KAZN: variants seen among roughly 807,000 people sequenced by gnomAD.
KAZN encodes kazrin, periplakin interacting protein.
KAZN carries 40 observed loss-of-function variants against 87.4 expected under a neutral mutation model. That is an observed-to-expected ratio of 0.46 (90% CI 0.36 to 0.60). KAZN has a LOEUF of 0.60. Ranked by LOEUF, KAZN falls within the 20% of genes least tolerant of loss-of-function variation. The pLI is 0.00. For synonymous variants in KAZN, 466 were observed against 458.3 expected, an observed-to-expected ratio of 1.02 and a Z score of -0.22; for missense variants, 898 against 1,073.9, an observed-to-expected ratio of 0.84 and a Z score of 2.29.
At chr1:15,085,087 G>A (rs1452879021) in intron 8 of KAZN, among the ~76,000 whole-genome samples, 1 of 151,804 alleles carries the variant, frequency 6.6e-6, no homozygotes, top group Non-Finnish European at 1.5e-5. Context: ...TGAATAAAAG[G>A]GTGGGTTAAA....
At chr1:14,969,088 G>A (rs1664757193) in intron 2 of KAZN, among the ~76,000 whole-genome samples, 1 of 152,220 alleles carries the variant, frequency 6.6e-6, no homozygotes. Context: ...GTGCAGCCAT[G>A]CCCTGGCTGC....
At chr1:14,439,664 T>C (rs1051696880) in intron 2 of KAZN, among the ~76,000 whole-genome samples, 3 of 152,168 alleles carry the variant, frequency 2.0e-5, no homozygotes, top group Non-Finnish European at 4.4e-5. Flanking sequence ...TGCAATTTTG[T>C]TTCACGTTAA....
At chr1:14,747,432 A>T (rs910026268) in intron 1 of KAZN, among the ~76,000 whole-genome samples, 2 of 152,070 alleles carry the variant, frequency 1.3e-5, no homozygotes, top group African/African-American at 4.8e-5. Context: ...ATGCACCACC[A>T]TGCCTGCCTA....
intron 1 of KAZN, among the ~76,000 whole-genome samples, chr1:13,895,016 C>T (rs1366707323): frequency 6.6e-6 from 1 of 152,172 alleles, no homozygotes; most frequent in Non-Finnish European, 1.5e-5. Context: ...CCTCAGTTTC[C>T]TCTTTTGTAA....
At chr1:14,934,594 C>T (rs72871857) in intron 1 of KAZN, among the ~76,000 whole-genome samples, 4,193 of 152,314 alleles carry the variant, frequency 0.028, 183 homozygotes, top group African/African-American at 0.086. Flanking sequence ...GCTGCTTAGA[C>T]GCTGTAGTGT....
At chr1:14,822,608 A>G (rs369587899) in intron 1 of KAZN, among the ~76,000 whole-genome samples, 21 of 152,292 alleles carry the variant, frequency 1.4e-4, no homozygotes, top group East Asian at 1.4e-3. Flanking sequence ...ATGTCTGTGC[A>G]CAAAACAGAA....
intron 2 of KAZN, among the ~76,000 whole-genome samples, chr1:14,430,808 C>A (rs1487634237): frequency 3.9e-5 from 6 of 152,184 alleles, no homozygotes; most frequent in African/African-American, 1.4e-4. Flanking sequence ...GAAGGCATTG[C>A]AGTTGGTGGA....
chr1:14,414,179 T>C (rs1021449476), intron 2 of KAZN, among the ~76,000 whole-genome samples: 8 of 152,270 alleles, frequency 5.3e-5, no homozygotes, highest in South Asian at 2.1e-4. Flanking sequence ...TGGAAGAGCA[T>C]GGTTTAATTT....
intron 1 of KAZN, among the ~76,000 whole-genome samples, chr1:13,927,470 T>C (rs938880829): frequency 1.2e-4 from 19 of 152,206 alleles, no homozygotes; most frequent in Admixed American, 4.6e-4. Flanking sequence ...TAGGAATAGC[T>C]GGGCAAAGAA....
At chr1:14,547,943 G>A (rs186658613) in intron 2 of KAZN, among the ~76,000 whole-genome samples, 1 of 151,508 alleles carries the variant, frequency 6.6e-6, no homozygotes, top group East Asian at 2.0e-4. Flanking sequence ...CTAAAACAGT[G>A]GTGTCCAATA....
intron 1 of KAZN, among the ~76,000 whole-genome samples, chr1:13,972,129 G>A (rs935701933): frequency 6.6e-6 from 1 of 152,160 alleles, no homozygotes; most frequent in Non-Finnish European, 1.5e-5. Flanking sequence ...AGTGGAAAAG[G>A]CATGTGCAAA....
chr1:14,365,215 G>GT (rs971983353), intron 2 of KAZN, among the ~76,000 whole-genome samples: 8 of 151,640 alleles, frequency 5.3e-5, no homozygotes, highest in Non-Finnish European at 8.8e-5. Context: ...GGCTAATTTT[G>GT]TTTTTGTATT....
chr1:14,461,621 G>A (rs991838439), intron 2 of KAZN, among the ~76,000 whole-genome samples: 2 of 152,116 alleles, frequency 1.3e-5, no homozygotes, highest in Non-Finnish European at 2.9e-5. Flanking sequence ...GAATTTAAGT[G>A]CAATTAGTTT....
chr1:14,395,370 T>C (rs558703521), intron 2 of KAZN, among the ~76,000 whole-genome samples: 1 of 152,286 alleles, frequency 6.6e-6, no homozygotes, highest in South Asian at 2.1e-4. Flanking sequence ...GGAATAGTCA[T>C]GTCCTGGTAG....
intron 1 of KAZN, among the ~76,000 whole-genome samples, chr1:14,114,537 T>C (rs1295469433): frequency 6.6e-6 from 1 of 152,048 alleles, no homozygotes; most frequent in Non-Finnish European, 1.5e-5. Context: ...ATATCCTCCA[T>C]ATCCAGGCCG....
In KAZN at chr1:14,217,324, T is replaced by C. The variant is rs546021579; in HGVS notation, c.249+36732T>C. 7.3e-4 allele frequency among the ~76,000 whole-genome samples: 111 copies of C among 151,486 alleles called. 1 individual carries two copies. In the South Asian group the frequency reaches 0.022, roughly 31 times the overall value. On this transcript the variant is annotated intron_variant, in intron 2 of 16. Coordinates refer to the KAZN transcript ENST00000636203. ...ATCTTATTTAAAAAATAATAAAGAG[T>C]AAAATAGCTTCACAAAAAATTTAAA...
At chr1:14,620,046 G>A (rs80089047) in intron 1 of KAZN, among the ~76,000 whole-genome samples, 1,642 of 152,280 alleles carry the variant, frequency 0.011, 35 homozygotes, top group African/African-American at 0.036. Context: ...ATGCACATGA[G>A]CCTTGCCCCT....
chr1:14,676,632 C>T (rs547449253), intron 1 of KAZN, among the ~76,000 whole-genome samples: 15 of 152,250 alleles, frequency 9.9e-5, no homozygotes, highest in Non-Finnish European at 1.9e-4. Context: ...AGGAATGAAG[C>T]AGTGATTCAT....
chr1:15,092,073 A>ATTTTTTTT (rs58871336), intron 8 of KAZN, among the ~76,000 whole-genome samples: 11 of 75,470 alleles, frequency 1.5e-4, no homozygotes, highest in African/African-American at 4.4e-4. Flanking sequence ...TTTTTTTTTG[A>ATTTTTTTT]TTTTTTTTTT....
Sources: gnomAD v4.1 joint callset for allele counts (sites outside exome capture counted in the v4.1 genomes callset) on GRCh38, gnomAD v4.1.1 for gene constraint, MANE v1.5 for transcripts, NCBI Gene and HGNC (gene_info 2026-07-23, HGNC 2026-07-21) for gene names.